The following JAKMIP3 variants were observed in gnomAD, a reference collection of about 807,000 sequenced individuals.
JAKMIP3 encodes the protein Janus kinase and microtubule interacting protein 3.
JAKMIP3 carries 58 observed loss-of-function variants against 118.5 expected under a neutral mutation model. That is an observed-to-expected ratio of 0.49 (90% confidence interval 0.40 to 0.61). JAKMIP3 has a LOEUF of 0.61. Ranked by LOEUF, JAKMIP3 falls within the 20% of genes least tolerant of loss-of-function variation. The pLI, the probability that JAKMIP3 is intolerant of heterozygous loss-of-function variation, is 0.00. For synonymous variants in JAKMIP3, 486 were observed against 451.2 expected (o/e 1.08, Z -0.98); for missense variants, 950 against 1,109.0 (o/e 0.86, Z 2.04).
upstream of JAKMIP3, among the ~76,000 whole-genome samples, chr10:132,060,303 G>A (rs1476632635): frequency 1.3e-5 from 2 of 152,166 alleles, no homozygotes; most frequent in Non-Finnish European, 2.9e-5. Flanking sequence ...ATGATGAGAT[G>A]GGGGCCAGGC....
intron 1 of JAKMIP3, among the ~76,000 whole-genome samples, chr10:132,074,146 G>T (rs2040412596): frequency 6.6e-6 from 1 of 152,166 alleles, no homozygotes; most frequent in African/African-American, 2.4e-5. Context: ...CTGCCTCCTG[G>T]GTTCAAGGGA....
In JAKMIP3 at chr10:132,116,958, T is replaced by C. The variant is rs7081793; in HGVS notation, c.136-119T>C. 3,683 of 1,133,822 alleles carry C rather than the reference T, an allele frequency of 3.2e-3. 143 individuals carry two copies. The African/African-American group carries it at 0.061, about 19-fold the overall frequency. The allele number at this position is 1,133,822 out of a possible 1,614,324, so 70.2% of individuals were successfully genotyped here. On this transcript the variant is annotated intron_variant, in intron 2 of 23. Coordinates refer to ENST00000684848, the MANE Select transcript of JAKMIP3 (RefSeq NM_001323087.2). ...GTGTGTGCAACGTGGAAGCTCCCCT[T>C]GAATACACATTCAGGTGTGAGTGTG...
In JAKMIP3 at chr10:132,137,260, G is replaced by C. The variant is rs202061912; in HGVS notation, c.1255G>C (p.Glu419Gln). ...NLIDELSKTLETAGYVKSVLE... is the reference protein window; with the variant it reads ...NLIDELSKTLQTAGYVKSVLE... ...TGCTGTCTTCCTTTCCTAGACCCTT[G>C]AGACCGCCGGCTACGTGAAGAGCGT... The change falls in exon 8 of 24, where the codon GAG becomes CAG. Residue 419 changes from glutamate to glutamine, a missense_variant. By Grantham distance (29) the Glu-to-Gln change is conservative. Coordinates refer to ENST00000684848, the MANE Select transcript of JAKMIP3 (RefSeq NM_001323087.2). 4.3e-6 allele frequency: 7 copies of C among 1,613,914 alleles called. No homozygotes were observed. The Admixed American group carries it at 8.3e-5, about 19-fold the overall frequency.
intron 1 of JAKMIP3, among the ~76,000 whole-genome samples, chr10:132,084,095 A>G (rs1322636999): frequency 1.3e-5 from 2 of 151,952 alleles, no homozygotes; most frequent in Non-Finnish European, 2.9e-5. Context: ...TTTTGATGGG[A>G]ATTGCATTGA....
At chr10:132,150,117 C>CTGGCAGGG in intron 16 of JAKMIP3, 76 bp downstream of exon 16, 1 of 1,205,126 alleles carries the variant, frequency 8.3e-7, no homozygotes, top group Non-Finnish European at 1.2e-6. Context: ...GTCCAGGAGG[C>CTGGCAGGG]CCTGCCAGCC....
intron 5 of JAKMIP3, 53 bp downstream of exon 5, chr10:132,135,213 G>A (rs2135746158): frequency 1.3e-6 from 2 of 1,529,132 alleles, no homozygotes; most frequent in East Asian, 4.6e-5. Context: ...TGCGGAGCTG[G>A]GGACCTGGGG....
intron 23 of JAKMIP3, among the ~76,000 whole-genome samples, chr10:132,180,742 CGT>C (rs1262889146): frequency 0.14 from 1,254 of 8,706 alleles, 514 homozygotes; most frequent in Non-Finnish European, 0.2. Flanking sequence ...TGTGTGCGTG[CGT>C]GCGCGCGCGT....
intron 3 of JAKMIP3, among the ~76,000 whole-genome samples, chr10:132,129,570 C>T (rs1455191821): frequency 6.6e-6 from 1 of 152,208 alleles, no homozygotes. Flanking sequence ...CTCTGCAGCT[C>T]GGGCTCTGTT....
At chr10:132,157,090 A>G (rs539343285) in intron 19 of JAKMIP3, among the ~76,000 whole-genome samples, 6 of 152,244 alleles carry the variant, frequency 3.9e-5, no homozygotes, top group Admixed American at 2.0e-4. Context: ...TCTCCGAGAG[A>G]TGGTCATCAT....
intron 23 of JAKMIP3, among the ~76,000 whole-genome samples, chr10:132,177,265 G>A (rs989384773): frequency 6.6e-6 from 1 of 152,370 alleles, no homozygotes; most frequent in East Asian, 1.9e-4. Flanking sequence ...TTTCAGAAAG[G>A]GTAGCTGGGC....
Position 132,183,050 on chromosome 10 carries a change from C to T in JAKMIP3, c.*1797C>T, listed in dbSNP as rs539407271. ...GAGCCTGACCTCGGGGTTTGCGTCTCGAGTCTGAAATCCTGTTTAGTCCTC... is the reference window on the plus strand; with the variant it reads ...GAGCCTGACCTCGGGGTTTGCGTCTTGAGTCTGAAATCCTGTTTAGTCCTC... On this transcript the variant is annotated 3_prime_UTR_variant, in exon 24 of 24. Transcript: ENST00000684848. 2.6e-5 allele frequency: 4 copies of T among 152,304 alleles called. No homozygotes were observed. Among genetic ancestry groups the T allele is most frequent in the East Asian group, 1.9e-4 (1 of 5,194 alleles). 9.4% of individuals were successfully genotyped at this position (152,304 alleles called of 1,614,324 possible).
intron 1 of JAKMIP3, among the ~76,000 whole-genome samples, chr10:132,094,460 G>A (rs529812118): frequency 5.9e-5 from 9 of 152,242 alleles, no homozygotes; most frequent in Non-Finnish European, 1.2e-4. Context: ...TTCCCTTGAT[G>A]TAGGGCTCTG....
At position 132,167,850 on chromosome 10, in the gene JAKMIP3, CCCCTCACCCCTCGG is replaced by C. The variant is rs1199534193; in HGVS notation, c.*23-97_*23-84del. ...CTCACCCCTCGGCCCTCGCCCCTCG[CCCCTCACCCCTCGG>C]CCCTCGCCCCTCGCCCCTCGGCCCT... On this transcript the variant is annotated intron_variant, in intron 22 of 23. Coordinates refer to ENST00000684848, the MANE Select transcript of JAKMIP3 (RefSeq NM_001323087.2). 1.2e-5 allele frequency: 10 copies of C among 825,184 alleles called. 1 individual carries two copies. In the East Asian group the frequency reaches 2.0e-4, roughly 16 times the overall value. The allele number at this position is 825,184 out of a possible 1,614,324, so 51.1% of individuals were successfully genotyped here.
At chr10:132,090,529 T>G (rs1313400964) in intron 1 of JAKMIP3, among the ~76,000 whole-genome samples, 3 of 152,230 alleles carry the variant, frequency 2.0e-5, no homozygotes, top group East Asian at 3.8e-4. Flanking sequence ...TGATGGTAGT[T>G]TGTATTTCTG....
intron 19 of JAKMIP3, among the ~76,000 whole-genome samples, chr10:132,162,244 G>A (rs1335614607): frequency 5.3e-5 from 8 of 152,222 alleles, no homozygotes; most frequent in South Asian, 2.1e-4. Flanking sequence ...GTGGGAGACC[G>A]TGGTCTGTGT....
At position 132,059,094 on chromosome 10, in the gene JAKMIP3, C is replaced by T. The variant is rs537151780; in HGVS notation, c.-138+22356C>T. On this transcript the variant is annotated intron_variant, in intron 1 of 23. Coordinates refer to the JAKMIP3 transcript ENST00000657785. Reference sequence around the variant, plus strand: ...GTTCGCGCGGACGACAAACGCGACCCAGGATGCTGTCTCCTGTGCATTTTC... The same window carrying T: ...GTTCGCGCGGACGACAAACGCGACCTAGGATGCTGTCTCCTGTGCATTTTC... 1.1e-4 allele frequency among the ~76,000 whole-genome samples: 17 copies of T among 152,350 alleles called. No homozygotes were observed. In the South Asian group the frequency reaches 2.9e-3, roughly 26 times the overall value.
At chr10:132,176,952 A>G (rs115560248) in intron 23 of JAKMIP3, among the ~76,000 whole-genome samples, 4,531 of 152,052 alleles carry the variant, frequency 0.03, 235 homozygotes, top group African/African-American at 0.1. Context: ...CTTTGGAGCT[A>G]TTTCTCTTTG....
chr10:132,096,492 G>A (rs1036140191), intron 1 of JAKMIP3, among the ~76,000 whole-genome samples: 1 of 152,196 alleles, frequency 6.6e-6, no homozygotes, highest in Non-Finnish European at 1.5e-5. Context: ...TACTTGGTTA[G>A]TGTAATATCT....
intron 1 of JAKMIP3, among the ~76,000 whole-genome samples, chr10:132,045,265 T>G (rs2037874339): frequency 6.6e-6 from 1 of 152,154 alleles, no homozygotes; most frequent in African/African-American, 2.4e-5. Context: ...GTTTCCCCGG[T>G]GAGCAGGGAT....
Sources: gnomAD v4.1 joint callset for allele counts (sites outside exome capture counted in the v4.1 genomes callset) on GRCh38, gnomAD v4.1.1 for gene constraint, MANE v1.5 for transcripts, NCBI Gene and HGNC (gene_info 2026-07-23, HGNC 2026-07-21) for gene names.